Variants in SCN1A observed in about 807,000 individuals in gnomAD.
The protein encoded by SCN1A is sodium channel protein type 1 subunit alpha.
A neutral mutation model predicts 193.7 loss-of-function variants in SCN1A; 13 were observed. The ratio of observed to expected loss-of-function variants is 0.07; its 90% CI spans 0.04 to 0.11. The LOEUF is 0.11. Ranked by LOEUF, SCN1A falls within the 10% of genes least tolerant of loss-of-function variation. SCN1A has a pLI of 1.00. For synonymous variants in SCN1A, 781 were observed against 843.6 expected (o/e 0.93, Z 1.29); for missense variants, 1,432 against 2,451.1 (o/e 0.58, Z 8.78).
rs932251949 is a variant in SCN1A at position 165,992,847 on chromosome 2, T to C, written c.4853-425A>G. ...TTTACTCCTTTTCCATCTGAAAGTATTGGTAGCTTTTGATGCTACTTTCAT... is the reference window on the plus strand; with the variant it reads ...TTTACTCCTTTTCCATCTGAAAGTACTGGTAGCTTTTGATGCTACTTTCAT... On this transcript the variant is annotated intron_variant, in intron 28 of 28. Transcript: ENST00000674923. The surrounding 1 kb of genome is among the most constrained non-coding windows in gnomAD (Gnocchi z 6.5). 6.5e-6 allele frequency: 1 copy of C among 153,982 alleles called. No homozygotes were observed. The highest frequency in any genetic ancestry group is 2.4e-5 in the African/African-American group (1 of 41,468). 9.5% of individuals were successfully genotyped at this position (153,982 alleles called of 1,614,324 possible).
At position 166,051,708 on chromosome 2, in the gene SCN1A, A is replaced by G. The variant is rs201531417; in HGVS notation, c.964+11T>C. ...ACTTTTTAAGGAAATGTACATAACA[A>G]TAATTCTTACTTGAATCTTGAATAT... On this transcript the variant is annotated intron_variant, in intron 9 of 28. Transcript: ENST00000674923. 75 of 1,585,164 alleles carry G rather than the reference A, an allele frequency of 4.7e-5. No individual in the cohort carries two copies. Among genetic ancestry groups the G allele is most frequent in the Non-Finnish European group, 6.2e-5 (72 of 1,156,410 alleles).
intron 20 of SCN1A, 148 bp downstream of exon 20, chr2:166,015,459 A>C (rs1370936236): frequency 2.2e-6 from 2 of 918,364 alleles, no homozygotes; most frequent in Non-Finnish European, 3.4e-6. Flanking sequence ...CTAGACTTTA[A>C]GTTTTTTTGT....
chr2:166,057,147 G>C (rs1699212562), intron 5 of SCN1A, among the ~76,000 whole-genome samples: 1 of 152,008 alleles, frequency 6.6e-6, no homozygotes, highest in Non-Finnish European at 1.5e-5. Context: ...TGTTGGCCAA[G>C]AGACTCAACC....
At chr2:166,129,244 C>T (rs765334109), upstream of SCN1A, among the ~76,000 whole-genome samples, 3 of 152,110 alleles carry the variant, frequency 2.0e-5, no homozygotes, top group Non-Finnish European at 4.4e-5. Context: ...AAAACTAAGG[C>T]TGTTGGTCCC....
intron 22 of SCN1A, among the ~76,000 whole-genome samples, chr2:166,011,433 G>A (rs777203422): frequency 6.6e-6 from 1 of 150,960 alleles, no homozygotes; most frequent in Non-Finnish European, 1.5e-5. Flanking sequence ...AATCATTGGG[G>A]ATACAAATTC....
chr2:166,127,399 C>A (rs749350139), intron 1 of SCN1A, among the ~76,000 whole-genome samples: 12 of 152,146 alleles, frequency 7.9e-5, no homozygotes, highest in Admixed American at 4.6e-4. Flanking sequence ...TCCCAGCCAG[C>A]TAGTCCACTT....
At chr2:166,011,264 G>A (rs183385579) in intron 22 of SCN1A, among the ~76,000 whole-genome samples, 144 of 151,250 alleles carry the variant, frequency 9.5e-4, no homozygotes, top group Admixed American at 8.5e-3. Context: ...GTCTTGCTGG[G>A]TTAGTATCTT....
At position 166,121,922 on chromosome 2, in the gene SCN1A, G is replaced by A. The variant is rs1485946712; in HGVS notation, c.-142+5002C>T. ...TTTAGGGTGAACCACAATCCAATAT[G>A]ACTTGTGTCCTTAAAAGAAGATGAA... On this transcript the variant is annotated intron_variant, in intron 2 of 28. Coordinates refer to ENST00000674923, the MANE Select transcript of SCN1A (RefSeq NM_001165963.4). Among the ~76,000 whole-genome samples, 4 of 152,142 alleles carry A rather than the reference G, an allele frequency of 2.6e-5. No individual in the cohort carries two copies. The East Asian group carries it at 7.7e-4, about 29-fold the overall frequency.
intron 21 of SCN1A, 46 bp downstream of exon 21, chr2:166,013,698 T>C (rs1692844855): frequency 6.4e-7 from 1 of 1,551,600 alleles, no homozygotes; most frequent in African/African-American, 1.4e-5. Context: ...AGTATTAGAG[T>C]GTTCTAAAAA....
intron 9 of SCN1A, 80 bp from the exon 10 acceptor site, chr2:166,049,029 A>C: frequency 1.2e-6 from 1 of 868,564 alleles, no homozygotes; most frequent in Non-Finnish European, 2.0e-6. Flanking sequence ...GTCAGGTTCT[A>C]CTTTTAAGTT....
Position 166,036,238 on chromosome 2 carries a change from T to C in SCN1A, c.3239A>G (p.Asn1080Ser). Residue 1080 changes from asparagine (N) to serine (S), a missense_variant, in exon 19 of 29, where the codon AAT becomes AGT. By Grantham distance (46) the Asn-to-Ser change is conservative. Around this residue, in one of 18 missense-constraint regions of SCN1A, gnomAD observed 198 missense variants for 225.8 expected, o/e 0.88. Transcript: ENST00000674923. ...AGTTCCTATACCACTTGTAGTTCCATTTACATCTTTAAGATAGTCAAGATC... is the reference window on the plus strand; with the variant it reads ...AGTTCCTATACCACTTGTAGTTCCACTTACATCTTTAAGATAGTCAAGATC... ...GKDLDYLKDV[N>S]GTTSGIGTGS... is the part of the protein sequence containing the mutation. The C allele has an allele frequency of 6.2e-7, 1 of 1,613,878 alleles. No individual in the cohort carries two copies. The highest frequency in any genetic ancestry group is 8.5e-7 in the Non-Finnish European group (1 of 1,179,802).
At chr2:166,119,582 G>A (rs1023344631) in intron 2 of SCN1A, among the ~76,000 whole-genome samples, 1 of 152,094 alleles carries the variant, frequency 6.6e-6, no homozygotes, top group Non-Finnish European at 1.5e-5. Context: ...TAAAATTCGT[G>A]CTGAGTTCTA....
At chr2:166,040,303 A>G (rs1409304011) in intron 16 of SCN1A, among the ~76,000 whole-genome samples, 1 of 152,100 alleles carries the variant, frequency 6.6e-6, no homozygotes, top group East Asian at 1.9e-4. Context: ...TACTGACAAC[A>G]TTTTGCCCAT....
In SCN1A at chr2:166,136,440, T is replaced by A. The variant is rs150175597; in HGVS notation, c.-50+12607A>T. On this transcript the variant is annotated intron_variant, in intron 1 of 26. Coordinates refer to the SCN1A transcript ENST00000635750. ...TATATATGCATATATATATATGTTA[T>A]GTTATGCTACACACACACAACTGCT... 5.9e-5 allele frequency among the ~76,000 whole-genome samples: 9 copies of A among 152,140 alleles called. No homozygotes were observed. The East Asian group carries it at 7.7e-4, about 13-fold the overall frequency.
chr2:166,068,606 T>C (rs1824550), intron 4 of SCN1A, among the ~76,000 whole-genome samples: 60,590 of 151,862 alleles, frequency 0.4, 12,625 homozygotes, highest in East Asian at 0.71. Flanking sequence ...ACTCCATAAT[T>C]CCAATTAAAA....
intron 2 of SCN1A, among the ~76,000 whole-genome samples, chr2:166,087,110 C>T (rs1277344931): frequency 6.6e-6 from 1 of 150,934 alleles, no homozygotes; most frequent in African/African-American, 2.4e-5. Context: ...GTTTTTGCCT[C>T]ATTCTCACTG....
intron 1 of SCN1A, among the ~76,000 whole-genome samples, chr2:166,138,553 A>G (rs539893609): frequency 1.3e-5 from 2 of 152,372 alleles, no homozygotes; most frequent in South Asian, 4.1e-4. Context: ...GCAAGTGCAC[A>G]GAAGTCAAAA....
chr2:165,991,718 C>T lies in SCN1A; in HGVS notation c.5557G>A (p.Asp1853Asn). The T allele has an allele frequency of 6.2e-7, 1 of 1,613,894 alleles. No individual in the cohort carries two copies. The highest frequency in any genetic ancestry group is 8.5e-7 in the Non-Finnish European group (1 of 1,179,914). Residue 1853 changes from aspartate to asparagine, a missense_variant, in exon 29 of 29, where the codon GAT becomes AAT. This residue lies in a region of SCN1A where 59 missense variants were observed against 110.6 expected (regional missense o/e 0.53). Coordinates refer to ENST00000674923, the MANE Select transcript of SCN1A (RefSeq NM_001165963.4). ...CGGTCACCACTCACCATGGGCAAAT[C>T]CATGGCAATGAGCTGGAGTTTGTTT... Reference protein sequence around the residue: ...QPNKLQLIAMDLPMVSGDRIH... With the variant: ...QPNKLQLIAMNLPMVSGDRIH...
chr2:166,006,126 C>A (rs781225297), intron 23 of SCN1A, among the ~76,000 whole-genome samples: 11 of 151,206 alleles, frequency 7.3e-5, no homozygotes, highest in Non-Finnish European at 1.0e-4. Flanking sequence ...CAACACTATT[C>A]ATGAATTCTA....
Sources: allele counts gnomAD v4.1 joint callset (sites outside exome capture counted in the v4.1 genomes callset), GRCh38; gene constraint gnomAD v4.1.1; regional missense constraint gnomAD v4.1.1; non-coding constraint Gnocchi (gnomAD v3.1); transcripts MANE v1.5; gene names NCBI Gene and HGNC (gene_info 2026-07-23, HGNC 2026-07-21).